The following UTP20 variants were observed in gnomAD, a reference collection of about 807,000 sequenced individuals.
The protein encoded by UTP20 is small subunit processome component 20 homolog.
UTP20 carries 164 observed loss-of-function variants against 329.5 expected under a neutral mutation model. The observed-to-expected ratio is 0.50, with a 90% confidence interval of 0.44 to 0.57. The LOEUF (loss-of-function observed/expected upper bound fraction) is 0.57. Ranked by LOEUF, UTP20 falls within the 20% of genes least tolerant of loss-of-function variation. The probability of loss-of-function intolerance (pLI) is 0.00; values close to 1 mark genes in which losing one functional copy is unlikely to be tolerated. For missense variants in UTP20, 3,055 were observed against 3,284.2 expected, an observed-to-expected ratio of 0.93 and a Z score of 1.71; for synonymous variants, 1,151 against 1,159.3, an observed-to-expected ratio of 0.99 and a Z score of 0.14.
chr12:101,287,593 G>A (rs1200534838), intron 5 of UTP20, among the ~76,000 whole-genome samples: 6 of 152,132 alleles, frequency 3.9e-5, no homozygotes, highest in Non-Finnish European at 8.8e-5. Flanking sequence ...CAGTAAATAG[G>A]TATTGAGTGT....
In UTP20 at chr12:101,359,334, G is replaced by T. The variant is rs141369143; in HGVS notation, c.5691+2252G>T. ...GCCTGCCTTGGCCTCCCAAAATGCT[G>T]GGATTACAGGCGTGAGCGACTGCAC... On this transcript the variant is annotated intron_variant, in intron 43 of 61. Coordinates refer to ENST00000261637, the MANE Select transcript of UTP20 (RefSeq NM_014503.3). Among the ~76,000 whole-genome samples, 427 of 152,208 alleles carry T rather than the reference G, an allele frequency of 2.8e-3. 2 individuals are homozygous for T. Among genetic ancestry groups the T allele is most frequent in the African/African-American group, 9.6e-3 (400 of 41,516 alleles).
At chr12:101,301,624 C>T (rs1292645058) in intron 14 of UTP20, among the ~76,000 whole-genome samples, 3 of 152,188 alleles carry the variant, frequency 2.0e-5, no homozygotes, top group East Asian at 3.9e-4. Context: ...GCCGAGATCA[C>T]ACCACTGCAC....
intron 21 of UTP20, among the ~76,000 whole-genome samples, chr12:101,315,970 A>T (rs1418089011): frequency 6.6e-6 from 1 of 152,220 alleles, no homozygotes; most frequent in Admixed American, 6.5e-5. Flanking sequence ...GAGACTAAAG[A>T]TACACAATTC....
rs201048052 is a variant in UTP20 at position 101,338,984 on chromosome 12, A to G, written c.4013+27A>G. 23 of 1,557,264 alleles carry G rather than the reference A, an allele frequency of 1.5e-5. No homozygotes were observed. The Admixed American group carries it at 3.7e-4, about 25-fold the overall frequency. On this transcript the variant is annotated intron_variant, in intron 31 of 61. Coordinates refer to ENST00000261637, the MANE Select transcript of UTP20 (RefSeq NM_014503.3). The stretch of plus-strand genomic sequence containing the variant: ...TAAGTGATATGTTGATACTTAAAAG[A>G]TAACATTACCATCCTTGGTTTTAAC...
chr12:101,332,214 G>A (rs1239446870), intron 27 of UTP20, among the ~76,000 whole-genome samples: 2 of 152,158 alleles, frequency 1.3e-5, no homozygotes, highest in Non-Finnish European at 1.5e-5. Context: ...GTGCATGCCT[G>A]TAATCCCAGC....
Position 101,290,803 on chromosome 12 carries a change from T to C in UTP20, c.806T>C (p.Ile269Thr). Reference sequence around the variant, plus strand: ...GAAACTCAACTACCATGGATGTTAATTGGAGAAACACTCAAAAACATGGTC... The same window carrying C: ...GAAACTCAACTACCATGGATGTTAACTGGAGAAACACTCAAAAACATGGTC... ...ETETQLPWML[I>T]GETLKNMVKS... Residue 269 changes from isoleucine (I) to threonine (T), a missense_variant, in exon 8 of 62, where the codon ATT (isoleucine) becomes ACT (threonine). By Grantham distance (89) the Ile-to-Thr change is moderately conservative. Coordinates refer to ENST00000261637, the MANE Select transcript of UTP20 (RefSeq NM_014503.3). 2.5e-6 allele frequency: 4 copies of C among 1,613,994 alleles called. No individual in the cohort carries two copies. The highest frequency in any genetic ancestry group is 3.4e-6 in the Non-Finnish European group (4 of 1,179,926).
At position 101,385,985 on chromosome 12, in the gene UTP20, T is replaced by C. The variant is rs758326074; in HGVS notation, c.8220T>C (p.Asp2740=). Reference sequence around the variant, plus strand: ...TTTTCCAGTTTGTAACTAATCCTGATATTGCTGCCAAGAAAAAAATGAAGA... The same window carrying C: ...TTTTCCAGTTTGTAACTAATCCTGACATTGCTGCCAAGAAAAAAATGAAGA... ...RKALEFVTNP[D]IAAKKKMKKH... The change falls in exon 62 of 62, where the codon GAT becomes GAC. Residue 2740 remains aspartate, a synonymous_variant. Coordinates refer to ENST00000261637, the MANE Select transcript of UTP20 (RefSeq NM_014503.3). 1 of 1,592,350 alleles carries C rather than the reference T, an allele frequency of 6.3e-7. No homozygotes were observed. Among genetic ancestry groups the C allele is most frequent in the South Asian group, 1.1e-5 (1 of 88,112 alleles).
Position 101,369,859 on chromosome 12 carries a change from C to G in UTP20, c.6523C>G (p.Gln2175Glu). 6 of 1,613,972 alleles carry G rather than the reference C, an allele frequency of 3.7e-6. No homozygotes were observed. Among genetic ancestry groups the G allele is most frequent in the Non-Finnish European group, 5.1e-6 (6 of 1,179,958 alleles). ...TGCAAAGCTCGGGGCCGCCAGGGGC[C>G]AGAACTTCCACCTTGTGGTCAATTG... ...DYAKLGAARG[Q>E]NFHLVVNCFK... is the part of the protein sequence containing the mutation. Residue 2175 changes from glutamine (Q) to glutamate (E), a missense_variant, in exon 49 of 62, where the codon CAG becomes GAG. This residue lies in a region of UTP20 where 2,445 missense variants were observed against 2,575.5 expected (regional missense o/e 0.95). Transcript: ENST00000261637.
At chr12:101,346,718 A>G in intron 38 of UTP20, 130 bp downstream of exon 38, 1 of 915,922 alleles carries the variant, frequency 1.1e-6, no homozygotes, top group Non-Finnish European at 1.5e-6. Flanking sequence ...ATAGTTCTAA[A>G]GTTCTTAGAA....
At chr12:101,320,627 G>A (rs1873119534) in intron 23 of UTP20, among the ~76,000 whole-genome samples, 1 of 152,066 alleles carries the variant, frequency 6.6e-6, no homozygotes. Context: ...ATGACTGTGG[G>A]ATGCAGGTGT....
intron 46 of UTP20, 109 bp downstream of exon 46, chr12:101,365,734 G>C (rs1870075786): frequency 1.2e-6 from 1 of 850,436 alleles, no homozygotes; most frequent in Non-Finnish European, 1.7e-6. Flanking sequence ...ATATCCACCT[G>C]AGTTCTCAGA....
At chr12:101,303,023 G>A (rs1872562204) in intron 15 of UTP20, among the ~76,000 whole-genome samples, 1 of 152,094 alleles carries the variant, frequency 6.6e-6, no homozygotes, top group African/African-American at 2.4e-5. Context: ...TTTAAGTATA[G>A]TTTAGCCAGC....
chr12:101,354,261 CAAAAAAAAAAAAAA>C (rs71091489), intron 40 of UTP20, among the ~76,000 whole-genome samples: 1 of 80,010 alleles, frequency 1.2e-5, no homozygotes, highest in East Asian at 3.0e-4. Flanking sequence ...GACTCTGTCT[CAAAAAAAAAAAAAA>C]AAAAAAAAAG....
chr12:101,361,944 C>T lies in UTP20; in HGVS notation c.5692-18C>T, dbSNP rs1398923777. On this transcript the variant is annotated intron_variant, in intron 43 of 61. Coordinates refer to ENST00000261637, the MANE Select transcript of UTP20 (RefSeq NM_014503.3). ...GACATTGTTAATATTCATGTTGTTG[C>T]TGTGTGTCTCATGTTAGGTCCATGT... 2 of 1,591,020 alleles carry T rather than the reference C, an allele frequency of 1.3e-6. No homozygotes were observed. The highest frequency in any genetic ancestry group is 2.2e-5 in the South Asian group (2 of 90,482).
intron 20 of UTP20, 88 bp from the exon 21 acceptor site, chr12:101,311,948 A>G (rs1872806189): frequency 1.3e-6 from 2 of 1,580,420 alleles, no homozygotes; most frequent in Non-Finnish European, 1.7e-6. Context: ...TCCTTACATT[A>G]TAGAGAAAGA....
In UTP20 at chr12:101,371,142, G is replaced by A. The variant is rs372457025; in HGVS notation, c.6772G>A (p.Glu2258Lys). The change falls in exon 51 of 62, where the codon GAA becomes AAA. Residue 2258 changes from glutamate to lysine, a missense_variant. Around this residue, in one of 3 missense-constraint regions of UTP20, gnomAD observed 273 missense variants for 363.1 expected, o/e 0.75. Transcript: ENST00000261637. ...CAAGTTGGCAGTCTCTGCACAAAGC[G>A]AACCTGCCAGGGTCCAGTGTAGACA... ...VSKLAVSAQS[E>K]PARVQCRQVF... is the part of the protein sequence containing the mutation. The A allele has an allele frequency of 9.9e-6, 16 of 1,613,882 alleles. No homozygotes were observed. Among genetic ancestry groups the A allele is most frequent in the Non-Finnish European group, 1.0e-5 (12 of 1,179,958 alleles).
chr12:101,360,734 CA>C (rs1460360316), intron 43 of UTP20, among the ~76,000 whole-genome samples: 1 of 152,122 alleles, frequency 6.6e-6, no homozygotes, highest in African/African-American at 2.4e-5. Context: ...GAGGCTGAGG[CA>C]TAAGAATTTC....
rs1341445648 is a variant in UTP20 at position 101,305,992 on chromosome 12, G to C, written c.1859G>C (p.Gly620Ala). ...AGATTAGCCTTGTGTGGCTGCAAAG[G>C]GCCACTTTCCCAGGAGGCTTTAATG... is the stretch of plus-strand genomic sequence containing the variant. ...YQRLALCGCK[G>A]PLSQEALMEL... The change falls in exon 16 of 62, where the codon GGG becomes GCG. Residue 620 changes from glycine (G) to alanine (A), a missense_variant. Physicochemically the swap from Gly to Ala is moderately conservative, Grantham distance 60 (BLOSUM62 0). Transcript: ENST00000261637. 3.7e-6 allele frequency: 6 copies of C among 1,613,822 alleles called. No individual in the cohort carries two copies. Among genetic ancestry groups the C allele is most frequent in the Non-Finnish European group, 4.2e-6 (5 of 1,179,906 alleles).
At chr12:101,301,351 C>T (rs550254831) in intron 14 of UTP20, among the ~76,000 whole-genome samples, 1 of 152,042 alleles carries the variant, frequency 6.6e-6, no homozygotes, top group South Asian at 2.1e-4. Flanking sequence ...GAGAGCCCCC[C>T]CCGCCCAACT....
Sources: allele counts gnomAD v4.1 joint callset (sites outside exome capture counted in the v4.1 genomes callset), GRCh38; gene constraint gnomAD v4.1.1; regional missense constraint gnomAD v4.1.1; transcripts MANE v1.5; gene names NCBI Gene and HGNC (gene_info 2026-07-23, HGNC 2026-07-21).